PSPC1: variants seen among roughly 807,000 people sequenced by gnomAD.
PSPC1 encodes paraspeckle component 1, also known as paraspeckle protein 1.
In PSPC1, 14 loss-of-function variants were observed where a neutral mutation model predicts 51.6. That is an observed-to-expected ratio of 0.27 (90% CI 0.18 to 0.42). PSPC1 has a LOEUF of 0.42. Among genes scored for constraint, PSPC1 ranks in the 10% least tolerant of loss-of-function variants. PSPC1 has a pLI of 1.00. For synonymous variants in PSPC1, 193 were observed against 231.9 expected (o/e 0.83, Z 1.53); for missense variants, 406 against 701.1 (o/e 0.58, Z 4.75).
chr13:19,730,229 G>GT lies in PSPC1; in HGVS notation c.1158+9dup, dbSNP rs754905567. On this transcript the variant is annotated intron_variant, in intron 6 of 8. Coordinates refer to ENST00000338910, the MANE Select transcript of PSPC1 (RefSeq NM_001354909.2). Reference sequence around the variant, plus strand: ...ATAAAATCATTTTAGTTAACTAGTAGTTTACTTACATTTTCCATGTAGTTT... The same window carrying GT: ...ATAAAATCATTTTAGTTAACTAGTAGTTTTACTTACATTTTCCATGTAGTTT... 1 of 1,606,216 alleles carries GT rather than the reference G, an allele frequency of 6.2e-7. No individual in the cohort carries two copies. The highest frequency in any genetic ancestry group is 8.5e-7 in the Non-Finnish European group (1 of 1,173,306).
At chr13:19,699,494 G>A (rs1008647307), downstream of PSPC1, 1 of 151,944 alleles carries the variant, frequency 6.6e-6, no homozygotes, top group Non-Finnish European at 1.5e-5. Flanking sequence ...GAAACAAAAT[G>A]ATCTTGTAAA....
intron 6 of PSPC1, among the ~76,000 whole-genome samples, chr13:19,680,453 T>A (rs1017259151): frequency 1.3e-5 from 2 of 152,202 alleles, no homozygotes; most frequent in African/African-American, 4.8e-5. Context: ...TCAACCCTAA[T>A]AAAACCATCA....
chr13:19,743,919 C>T (rs764894374), intron 4 of PSPC1, among the ~76,000 whole-genome samples: 2 of 151,936 alleles, frequency 1.3e-5, no homozygotes, highest in Admixed American at 6.6e-5. Flanking sequence ...GCCAGCCTGA[C>T]CAACATGGAG....
chr13:19,677,251 G>C (rs904123691), intron 7 of PSPC1, among the ~76,000 whole-genome samples: 4 of 147,300 alleles, frequency 2.7e-5, no homozygotes, highest in African/African-American at 7.5e-5. Flanking sequence ...AAAAAAAAAA[G>C]AGATTACATA....
At chr13:19,672,000 T>A, downstream of PSPC1, 1 of 923,910 alleles carries the variant, frequency 1.1e-6, no homozygotes, top group Non-Finnish European at 1.7e-6. Flanking sequence ...CAGTTAAGCC[T>A]GTTGTCTGTT....
At chr13:19,717,705 C>CAAAAA (rs780984201) in intron 6 of PSPC1, among the ~76,000 whole-genome samples, 28 of 72,238 alleles carry the variant, frequency 3.9e-4, no homozygotes, top group South Asian at 9.6e-4. Context: ...GACTCTGTCT[C>CAAAAA]AAAAAAAAAA....
chr13:19,698,024 C>T (rs749815066), downstream of PSPC1, among the ~76,000 whole-genome samples: 12 of 151,950 alleles, frequency 7.9e-5, no homozygotes, highest in Non-Finnish European at 1.6e-4. Context: ...TATATATTTA[C>T]ATAATTCTTC....
intron 4 of PSPC1, among the ~76,000 whole-genome samples, chr13:19,746,802 T>A (rs945821515): frequency 2.0e-5 from 3 of 151,620 alleles, no homozygotes; most frequent in African/African-American, 7.3e-5. Context: ...AAGGTACCCA[T>A]GTGTTCAATA....
chr13:19,714,901 T>C (rs974317074), intron 6 of PSPC1, among the ~76,000 whole-genome samples: 1 of 152,192 alleles, frequency 6.6e-6, no homozygotes, highest in African/African-American at 2.4e-5. Flanking sequence ...TTATCACTTC[T>C]CCGTATAAAG....
chr13:19,757,516 A>G (rs1273993446), intron 3 of PSPC1, among the ~76,000 whole-genome samples: 1 of 152,164 alleles, frequency 6.6e-6, no homozygotes, highest in Non-Finnish European at 1.5e-5. Context: ...CTAAGTGGAG[A>G]GATGAGGCAG....
chr13:19,673,843 C>CA (rs1876317079), downstream of PSPC1, among the ~76,000 whole-genome samples: 1 of 152,166 alleles, frequency 6.6e-6, no homozygotes, highest in Non-Finnish European at 1.5e-5. Flanking sequence ...AGCACCTTAC[C>CA]AAAAGGTTTA....
intron 4 of PSPC1, among the ~76,000 whole-genome samples, chr13:19,748,526 A>G (rs1049309024): frequency 2.0e-5 from 3 of 152,228 alleles, no homozygotes; most frequent in Non-Finnish European, 4.4e-5. Context: ...AAATACCTTC[A>G]GGCAAAGTTT....
intron 5 of PSPC1, among the ~76,000 whole-genome samples, chr13:19,731,164 T>C (rs1884059711): frequency 6.6e-6 from 1 of 152,056 alleles, no homozygotes; most frequent in Non-Finnish European, 1.5e-5. Context: ...AGAAATCCCC[T>C]GAAGCAGGTG....
At chr13:19,767,476 A>G (rs1293283971) in intron 2 of PSPC1, among the ~76,000 whole-genome samples, 1 of 152,168 alleles carries the variant, frequency 6.6e-6, no homozygotes, top group Non-Finnish European at 1.5e-5. Flanking sequence ...AATAGCTGAC[A>G]GCACCATACA....
chr13:19,778,772 C>T (rs2138374893), intron 1 of PSPC1, among the ~76,000 whole-genome samples: 1 of 129,058 alleles, frequency 7.7e-6, no homozygotes, highest in Non-Finnish European at 1.7e-5. Context: ...GCCGAGATTG[C>T]AGCCTCTGCC....
intron 7 of PSPC1, among the ~76,000 whole-genome samples, chr13:19,708,830 A>T (rs746888472): frequency 3.9e-5 from 6 of 152,318 alleles, no homozygotes; most frequent in Non-Finnish European, 5.9e-5. Flanking sequence ...AACACAACTC[A>T]GAAACTATCA....
intron 5 of PSPC1, among the ~76,000 whole-genome samples, chr13:19,731,011 C>T (rs1258202434): frequency 4.7e-5 from 7 of 147,890 alleles, no homozygotes; most frequent in African/African-American, 1.7e-4. Context: ...TGATCTATCA[C>T]TGGCACTGCA....
rs185804753 is a variant in PSPC1, at chr13:19,774,593, A to G, written c.373-2050T>C. On this transcript the variant is annotated intron_variant, in intron 1 of 8. Transcript: ENST00000338910. ...GGCAGGTAGATCACTTGAGGTCAGGAGTTCAAGACCGGCCTCCTGGCCAAC... is the reference window on the plus strand; with the variant it reads ...GGCAGGTAGATCACTTGAGGTCAGGGGTTCAAGACCGGCCTCCTGGCCAAC... 1.6e-4 allele frequency among the ~76,000 whole-genome samples: 25 copies of G among 152,080 alleles called. No homozygotes were observed. The South Asian group carries it at 3.3e-3, about 20-fold the overall frequency.
intron 2 of PSPC1, among the ~76,000 whole-genome samples, chr13:19,768,020 C>T (rs181645408): frequency 6.6e-6 from 1 of 151,784 alleles, no homozygotes; most frequent in Non-Finnish European, 1.5e-5. Flanking sequence ...GAGTTAGGGA[C>T]CAGCCTGGGT....
Sources: gnomAD v4.1 joint callset for allele counts (sites outside exome capture counted in the v4.1 genomes callset) on GRCh38, gnomAD v4.1.1 for gene constraint, MANE v1.5 for transcripts, NCBI Gene and HGNC (gene_info 2026-07-23, HGNC 2026-07-21) for gene names.